The following FTO variants were observed in gnomAD, a reference collection of about 807,000 sequenced individuals.
FTO encodes FTO alpha-ketoglutarate dependent dioxygenase, also known as alpha-ketoglutarate-dependent dioxygenase FTO.
FTO carries 47 observed loss-of-function variants against 63.9 expected under a neutral mutation model. The ratio of observed to expected loss-of-function variants is 0.74; its 90% confidence interval spans 0.58 to 0.94. The LOEUF (loss-of-function observed/expected upper bound fraction) is 0.94, where lower values mean the gene tolerates loss of function less well. FTO is among the 40% of genes least tolerant of loss of function. The probability of loss-of-function intolerance (pLI) is 0.00; values close to 1 mark genes in which losing one functional copy is unlikely to be tolerated. For synonymous variants in FTO, 207 were observed against 224.4 expected (o/e 0.92, Z 0.69); for missense variants, 562 against 618.1 (o/e 0.91, Z 0.96).
chr16:53,948,666 A>G (rs1004464417), intron 8 of FTO, among the ~76,000 whole-genome samples: 22 of 152,358 alleles, frequency 1.4e-4, no homozygotes, highest in African/African-American at 4.8e-4. Flanking sequence ...TTCATATTGT[A>G]TGTGTATGCT....
intron 7 of FTO, among the ~76,000 whole-genome samples, chr16:53,932,610 G>A (rs995279811): frequency 2.0e-5 from 3 of 151,908 alleles, no homozygotes; most frequent in Non-Finnish European, 4.4e-5. Flanking sequence ...GGCTGATTTC[G>A]AACTCCTGAC....
chr16:53,829,106 G>C (rs1208218737), intron 3 of FTO, among the ~76,000 whole-genome samples: 1 of 152,102 alleles, frequency 6.6e-6, no homozygotes, highest in African/African-American at 2.4e-5. Context: ...TAGCCAGGCT[G>C]GTCTCAAACT....
chr16:53,753,537 G>A (rs2076848825), intron 1 of FTO, among the ~76,000 whole-genome samples: 1 of 152,008 alleles, frequency 6.6e-6, no homozygotes. Flanking sequence ...CTGGCCCTAG[G>A]AGGACCCATA....
chr16:53,888,501 G>A (rs1391095508), intron 6 of FTO, among the ~76,000 whole-genome samples: 1 of 111,294 alleles, frequency 9.0e-6, no homozygotes, highest in Non-Finnish European at 2.0e-5. Context: ...TAATTGTTTT[G>A]TAGAGACAGC....
intron 8 of FTO, among the ~76,000 whole-genome samples, chr16:54,024,402 G>A (rs554927087): frequency 6.6e-6 from 1 of 150,514 alleles, no homozygotes; most frequent in South Asian, 2.1e-4. Flanking sequence ...TTTTTTTTTT[G>A]TATTTTTAGT....
chr16:54,042,791 C>G (rs1443139214), intron 8 of FTO, among the ~76,000 whole-genome samples: 1 of 48,508 alleles, frequency 2.1e-5, no homozygotes, highest in Non-Finnish European at 3.2e-5. Flanking sequence ...TCAAGTGGGT[C>G]CCTGACCCCT....
intron 8 of FTO, among the ~76,000 whole-genome samples, chr16:54,032,619 G>T (rs1424995669): frequency 1.3e-5 from 2 of 152,186 alleles, no homozygotes; most frequent in African/African-American, 2.4e-5. Flanking sequence ...TTATGGGTTA[G>T]TAATTGCCTT....
Position 53,852,101 on chromosome 16 carries a change from C to CAAAAAAAAAAAAAAAAA in FTO, c.895+7806_895+7822dup, listed in dbSNP as rs57004473. ...CAAAACTCTGTCTCTACAAAAAATA[C>CAAAAAAAAAAAAAAAAA]AAAAAAAAAAAAAAAAAAAGCCAGG... On this transcript the variant is annotated intron_variant, in intron 4 of 8. Coordinates refer to ENST00000471389, the MANE Select transcript of FTO (RefSeq NM_001080432.3). 8.1e-4 allele frequency among the ~76,000 whole-genome samples: 44 copies of CAAAAAAAAAAAAAAAAA among 54,430 alleles called. 4 individuals carry two copies. Among genetic ancestry groups the CAAAAAAAAAAAAAAAAA allele is most frequent in the African/African-American group, 2.0e-3 (33 of 16,914 alleles). 35.7% of individuals were successfully genotyped at this position (54,430 alleles called of 152,430 possible).
intron 8 of FTO, among the ~76,000 whole-genome samples, chr16:53,967,730 A>T (rs946696386): frequency 7.9e-5 from 12 of 152,252 alleles, no homozygotes; most frequent in African/African-American, 2.9e-4. Context: ...AAAGGCAGAA[A>T]GACTAAACGA....
At chr16:53,960,945 T>A (rs2083064855) in intron 8 of FTO, among the ~76,000 whole-genome samples, 2 of 152,198 alleles carry the variant, frequency 1.3e-5, no homozygotes, top group Admixed American at 6.5e-5. Flanking sequence ...CTCGTCATTT[T>A]TGTCTCTTGC....
At chr16:53,987,519 G>A (rs983578695) in intron 8 of FTO, among the ~76,000 whole-genome samples, 4 of 149,932 alleles carry the variant, frequency 2.7e-5, no homozygotes, top group South Asian at 2.1e-4. Flanking sequence ...GGAGGCGGAT[G>A]TTACAGTGAA....
At chr16:53,859,968 CAA>C (rs1283066937) in intron 4 of FTO, among the ~76,000 whole-genome samples, 1 of 152,156 alleles carries the variant, frequency 6.6e-6, no homozygotes, top group Non-Finnish European at 1.5e-5. Flanking sequence ...ATCAGTATCT[CAA>C]AGAGATATCT....
intron 1 of FTO, among the ~76,000 whole-genome samples, chr16:53,720,670 T>A (rs1257792508): frequency 6.8e-6 from 1 of 147,604 alleles, no homozygotes; most frequent in Non-Finnish European, 1.5e-5. Flanking sequence ...TATATATATA[T>A]AAAAGATATA....
At position 54,077,798 on chromosome 16, in the gene FTO, C is replaced by T. The variant is rs1192075706; in HGVS notation, c.1365-33964C>T. Among the ~76,000 whole-genome samples the T allele has an allele frequency of 2.0e-5, 3 of 152,200 alleles. No individual in the cohort carries two copies. In the East Asian group the frequency reaches 5.8e-4, roughly 29 times the overall value. ...GAAGAGGTAGGCAAGGCCTGGAGGC[C>T]AGAATGGCAGGCAGTCGGATCAAGA... On this transcript the variant is annotated intron_variant, in intron 8 of 8. Transcript: ENST00000471389.
At chr16:53,713,483 A>C (rs8058618) in intron 1 of FTO, among the ~76,000 whole-genome samples, 10,460 of 152,206 alleles carry the variant, frequency 0.069, 778 homozygotes, top group African/African-American at 0.18. Flanking sequence ...TTACTCTTCT[A>C]TTATAAACTG....
intron 7 of FTO, among the ~76,000 whole-genome samples, chr16:53,894,768 T>C (rs761301602): frequency 5.3e-5 from 8 of 152,122 alleles, no homozygotes; most frequent in Non-Finnish European, 1.2e-4. Flanking sequence ...GAGTATATTA[T>C]AGTAATTTAG....
intron 1 of FTO, among the ~76,000 whole-genome samples, chr16:53,804,034 GA>G (rs1237999056): frequency 6.6e-6 from 1 of 152,116 alleles, no homozygotes; most frequent in Admixed American, 6.5e-5. Flanking sequence ...TAACAACAAC[GA>G]ATGGTTGCCA....
chr16:53,842,950 G>A (rs7204450), intron 3 of FTO, among the ~76,000 whole-genome samples: 2 of 152,024 alleles, frequency 1.3e-5, no homozygotes, highest in African/African-American at 2.4e-5. Context: ...GCTGGGATTA[G>A]AGGTGTGAGC....
chr16:53,918,399 G>C (rs2081933502), intron 7 of FTO, among the ~76,000 whole-genome samples: 1 of 152,188 alleles, frequency 6.6e-6, no homozygotes, highest in Admixed American at 6.5e-5. Context: ...TGTGTATCTA[G>C]AGATATCGAA....
Sources: gnomAD v4.1 joint callset for allele counts (sites outside exome capture counted in the v4.1 genomes callset) on GRCh38, gnomAD v4.1.1 for gene constraint, MANE v1.5 for transcripts, NCBI Gene and HGNC (gene_info 2026-07-23, HGNC 2026-07-21) for gene names.